OSBP2: variants seen among roughly 807,000 people sequenced by gnomAD.
OSBP2 encodes the protein oxysterol binding protein 2.
Under a neutral mutation model 96.0 loss-of-function variants are expected in OSBP2, and 66 were observed. That is an observed-to-expected ratio of 0.69 (90% CI 0.56 to 0.84). OSBP2 has a LOEUF of 0.84. Among genes scored for constraint, OSBP2 ranks in the 40% least tolerant of loss-of-function variants. OSBP2 has a pLI of 0.00. For synonymous variants in OSBP2, 525 were observed against 520.9 expected, an observed-to-expected ratio of 1.01 and a Z score of -0.11; for missense variants, 1,038 against 1,222.7, an observed-to-expected ratio of 0.85 and a Z score of 2.25.
chr22:30,849,682 C>T (rs2038940927), intron 2 of OSBP2, among the ~76,000 whole-genome samples: 2 of 152,040 alleles, frequency 1.3e-5, no homozygotes, highest in South Asian at 4.2e-4. Context: ...TGTGGTTTAC[C>T]TTTTCATTTT....
chr22:30,877,098 C>T (rs1019564450), intron 3 of OSBP2, among the ~76,000 whole-genome samples: 8 of 152,070 alleles, frequency 5.3e-5, no homozygotes, highest in African/African-American at 1.9e-4. Flanking sequence ...CCCCGTAGCC[C>T]TGTAGCCTCT....
At chr22:30,739,191 C>T (rs1020221599) in intron 1 of OSBP2, among the ~76,000 whole-genome samples, 1 of 152,190 alleles carries the variant, frequency 6.6e-6, no homozygotes, top group African/African-American at 2.4e-5. Context: ...TAGTCACCTA[C>T]CCTCCCCTTA....
intron 2 of OSBP2, among the ~76,000 whole-genome samples, chr22:30,749,844 G>A (rs770554636): frequency 1.9e-4 from 29 of 152,054 alleles, no homozygotes; most frequent in Non-Finnish European, 2.4e-4. Context: ...CTGGCCTCAA[G>A]TGATCTGCCC....
At chr22:30,703,469 C>T (rs13053186) in intron 1 of OSBP2, among the ~76,000 whole-genome samples, 16,741 of 148,508 alleles carry the variant, frequency 0.11, 1,134 homozygotes, top group African/African-American at 0.19. Flanking sequence ...CCACCATGCC[C>T]GGCCTTATAG....
chr22:30,740,539 G>T (rs1055291894), intron 1 of OSBP2, among the ~76,000 whole-genome samples: 1 of 152,214 alleles, frequency 6.6e-6, no homozygotes, highest in Non-Finnish European at 1.5e-5. Flanking sequence ...TACAAATTAA[G>T]TTTCTTTCAA....
chr22:30,743,564 A>C (rs2089966317), intron 2 of OSBP2, among the ~76,000 whole-genome samples: 1 of 152,134 alleles, frequency 6.6e-6, no homozygotes, highest in South Asian at 2.1e-4. Flanking sequence ...TGCCTGTGGG[A>C]AGCCACTGTG....
intron 2 of OSBP2, among the ~76,000 whole-genome samples, chr22:30,744,831 A>G (rs1436702123): frequency 6.6e-6 from 1 of 152,230 alleles, no homozygotes; most frequent in Non-Finnish European, 1.5e-5. Flanking sequence ...GACTTAGCAG[A>G]CATATACAAA....
chr22:30,738,599 T>C (rs1569104020), intron 1 of OSBP2, among the ~76,000 whole-genome samples: 1 of 152,044 alleles, frequency 6.6e-6, no homozygotes, highest in Non-Finnish European at 1.5e-5. Flanking sequence ...TCGCTCTTGT[T>C]GCCCAGGCTG....
intron 2 of OSBP2, among the ~76,000 whole-genome samples, chr22:30,834,934 G>A (rs1175895769): frequency 1.3e-5 from 2 of 151,498 alleles, no homozygotes; most frequent in Admixed American, 1.3e-4. Context: ...TCATTCCTCA[G>A]TCTCCTGAGC....
chr22:30,858,607 G>A (rs976915073), intron 2 of OSBP2, among the ~76,000 whole-genome samples: 3 of 151,298 alleles, frequency 2.0e-5, no homozygotes, highest in Non-Finnish European at 2.9e-5. Flanking sequence ...GGCCAGGGAC[G>A]GTGGCTCACA....
intron 1 of OSBP2, among the ~76,000 whole-genome samples, chr22:30,715,898 T>C (rs1415450896): frequency 1.4e-5 from 2 of 141,858 alleles, no homozygotes; most frequent in Non-Finnish European, 3.0e-5. Flanking sequence ...TGCAGTGTTA[T>C]CCAAGCTGGT....
At chr22:30,796,033 T>A (rs544557448) in intron 2 of OSBP2, among the ~76,000 whole-genome samples, 2 of 152,228 alleles carry the variant, frequency 1.3e-5, no homozygotes, top group Admixed American at 1.3e-4. Flanking sequence ...AAGTGGTTTC[T>A]CTCACTGGTT....
chr22:30,812,296 G>T (rs146370267), intron 2 of OSBP2, among the ~76,000 whole-genome samples: 2,179 of 152,248 alleles, frequency 0.014, 30 homozygotes, highest in Middle Eastern at 0.044. Flanking sequence ...CTCCTGAGCA[G>T]CTGGGACTAC....
At chr22:30,700,594 C>A (rs1035188242) in intron 1 of OSBP2, among the ~76,000 whole-genome samples, 5 of 151,962 alleles carry the variant, frequency 3.3e-5, no homozygotes, top group African/African-American at 1.2e-4. Flanking sequence ...TTGTTGTATA[C>A]CAGTTGTCTG....
At chr22:30,807,911 G>A (rs2090951405) in intron 2 of OSBP2, among the ~76,000 whole-genome samples, 1 of 151,980 alleles carries the variant, frequency 6.6e-6, no homozygotes, top group Admixed American at 6.6e-5. Flanking sequence ...TTAGCCTCCT[G>A]AGTAGCTGGG....
chr22:30,900,405 T>C (rs990497122), intron 12 of OSBP2, among the ~76,000 whole-genome samples: 1 of 152,074 alleles, frequency 6.6e-6, no homozygotes, highest in African/African-American at 2.4e-5. Flanking sequence ...TGTTCACGGA[T>C]AGAAAGTATT....
intron 1 of OSBP2, among the ~76,000 whole-genome samples, chr22:30,711,739 CA>C (rs34152986): frequency 0.22 from 19,974 of 91,830 alleles, 1,513 homozygotes; most frequent in Middle Eastern, 0.32. Flanking sequence ...GACCCTATCT[CA>C]AAAAAAAAAA....
upstream of OSBP2, chr22:30,694,407 G>A (rs368529570): frequency 3.7e-5 from 53 of 1,451,806 alleles, 2 homozygotes; most frequent in South Asian, 3.1e-4. Flanking sequence ...TGCTTCGTGC[G>A]CATTTCGTGG....
chr22:30,706,013 T>C (rs1327618108), intron 1 of OSBP2, among the ~76,000 whole-genome samples: 1 of 152,184 alleles, frequency 6.6e-6, no homozygotes, highest in East Asian at 1.9e-4. Flanking sequence ...GACAGGTCTA[T>C]GAAAAGGCTG....
Sources: gnomAD v4.1 joint callset for allele counts (sites outside exome capture counted in the v4.1 genomes callset) on GRCh38, gnomAD v4.1.1 for gene constraint, MANE v1.5 for transcripts, NCBI Gene and HGNC (gene_info 2026-07-23, HGNC 2026-07-21) for gene names.